The following B3GALT5 variants were observed in gnomAD, a reference collection of about 807,000 sequenced individuals.
B3GALT5 encodes beta-1,3-galactosyltransferase 5.
For missense variants in B3GALT5, 328 were observed against 396.6 expected, an observed-to-expected ratio of 0.83 and a Z score of 1.47; for synonymous variants, 156 against 158.6, an observed-to-expected ratio of 0.98 and a Z score of 0.12.
At chr21:39,615,410 G>A (rs953932171) in intron 1 of B3GALT5, among the ~76,000 whole-genome samples, 4 of 152,200 alleles carry the variant, frequency 2.6e-5, no homozygotes, top group Admixed American at 1.3e-4. Flanking sequence ...TCTGAGTATC[G>A]TGCAGGTGCA....
chr21:39,613,514 A>G (rs543333450), intron 1 of B3GALT5, among the ~76,000 whole-genome samples: 5 of 152,364 alleles, frequency 3.3e-5, no homozygotes, highest in Admixed American at 6.5e-5. Context: ...GGGCAGGATC[A>G]TGAGAAAGAC....
intron 1 of B3GALT5, among the ~76,000 whole-genome samples, chr21:39,639,339 TTTCTTTCTTTCC>T (rs746069872): frequency 8.8e-4 from 95 of 108,238 alleles, no homozygotes; most frequent in East Asian, 3.3e-3. Flanking sequence ...TCTTTCTTTC[TTTCTTTCTTTCC>T]TTCCTTCCTT....
rs535675877 is a variant in B3GALT5 at position 39,625,490 on chromosome 21, C to T, written c.-392+12423C>T. On this transcript the variant is annotated intron_variant, in intron 1 of 3. Transcript: ENST00000684187. ...ACTAGGGGTTGCTCACTTTGTTTTT[C>T]CTTTCCCCGCTCCCAACTATGTGCA... Among the ~76,000 whole-genome samples, 104 of 152,334 alleles carry T rather than the reference C, an allele frequency of 6.8e-4. 1 individual carries two copies. The highest frequency in any genetic ancestry group is 1.3e-3 in the Non-Finnish European group (88 of 68,026).
intron 2 of B3GALT5, among the ~76,000 whole-genome samples, chr21:39,655,762 G>A (rs1302623993): frequency 1.3e-5 from 2 of 152,182 alleles, no homozygotes; most frequent in East Asian, 1.9e-4. Flanking sequence ...CAAAGGCCCA[G>A]CCAGGCTGGC....
intron 1 of B3GALT5, among the ~76,000 whole-genome samples, chr21:39,627,444 A>G (rs1267133567): frequency 1.3e-5 from 2 of 152,244 alleles, no homozygotes; most frequent in African/African-American, 2.4e-5. Context: ...TTGGGAAATC[A>G]CATGAAAAGT....
At chr21:39,622,846 A>G (rs1036453996) in intron 1 of B3GALT5, among the ~76,000 whole-genome samples, 2 of 149,338 alleles carry the variant, frequency 1.3e-5, no homozygotes, top group Non-Finnish European at 3.0e-5. Flanking sequence ...TTCCCATTTT[A>G]CTTCTTTTGC....
intron 1 of B3GALT5, among the ~76,000 whole-genome samples, chr21:39,623,067 T>G (rs2079142266): frequency 1.3e-5 from 2 of 151,178 alleles, no homozygotes; most frequent in Non-Finnish European, 2.9e-5. Context: ...TTTTCTTTTC[T>G]TTTCCTCCCT....
intron 1 of B3GALT5, among the ~76,000 whole-genome samples, chr21:39,643,568 C>T (rs1484339445): frequency 1.3e-5 from 2 of 152,194 alleles, no homozygotes; most frequent in Non-Finnish European, 2.9e-5. Flanking sequence ...TGAGCTTTTT[C>T]TTCTGGTTGA....
rs117346549 is a variant in B3GALT5, at chr21:39,633,934, C to G, written c.-391-12458C>G. On this transcript the variant is annotated intron_variant, in intron 1 of 3. Coordinates refer to ENST00000684187, the MANE Select transcript of B3GALT5 (RefSeq NM_001356336.2). The stretch of plus-strand genomic sequence containing the variant: ...GGCAAGGATGGGGTAAATGATGGAG[C>G]TCTAAGCATTGGGTGTTGGCGTCTG... Among the ~76,000 whole-genome samples, 337 of 152,272 alleles carry G rather than the reference C, an allele frequency of 2.2e-3. 5 individuals carry two copies. The East Asian group carries it at 0.026, about 12-fold the overall frequency.
At chr21:39,615,044 C>T (rs1346326346) in intron 1 of B3GALT5, among the ~76,000 whole-genome samples, 1 of 124,722 alleles carries the variant, frequency 8.0e-6, no homozygotes, top group Non-Finnish European at 1.9e-5. Flanking sequence ...GCTTCGTGGC[C>T]CTGCATAAAC....
intron 1 of B3GALT5, chr21:39,630,462 T>C (rs1204957892): frequency 6.6e-6 from 1 of 152,190 alleles, no homozygotes; most frequent in Non-Finnish European, 1.5e-5. Flanking sequence ...AGTGACTCAC[T>C]CGGAACTGCT....
rs1320541419 is a variant in B3GALT5, at chr21:39,664,910, C to T, written c.*3418C>T. On this transcript the variant is annotated 3_prime_UTR_variant, in exon 4 of 4. Transcript: ENST00000684187. ...GTGTCGTGCTGGAGGATCCTGGGCT[C>T]TGCGTGGGGCCCCCTTTCTTCCCTG... is the stretch of plus-strand genomic sequence containing the variant. The T allele has an allele frequency of 6.6e-6, 1 of 152,300 alleles. No homozygotes were observed. Among genetic ancestry groups the T allele is most frequent in the Non-Finnish European group, 1.5e-5 (1 of 68,158 alleles). 9.4% of individuals were successfully genotyped at this position (152,300 alleles called of 1,614,324 possible). A position where few individuals can be genotyped will look rare whatever the true frequency, so the allele number is the denominator to read the frequency against.
rs1194664544 is a variant in B3GALT5 at position 39,669,067 on chromosome 21, T to A, written c.*7575T>A. On this transcript the variant is annotated 3_prime_UTR_variant, in exon 4 of 4. Coordinates refer to ENST00000684187, the MANE Select transcript of B3GALT5 (RefSeq NM_001356336.2). The stretch of plus-strand genomic sequence containing the variant: ...TGTGCAAATCAAAAACTCTTCAGAT[T>A]GAGTCTGTAGGGCTTTGTTTCAGCT... 1 of 152,234 alleles carries A rather than the reference T, an allele frequency of 6.6e-6. No homozygotes were observed. Among genetic ancestry groups the A allele is most frequent in the Non-Finnish European group, 1.5e-5 (1 of 68,054 alleles). The allele number at this position is 152,234 out of a possible 1,614,324, so 9.4% of individuals were successfully genotyped here. A position where few individuals can be genotyped will look rare whatever the true frequency, so the allele number is the denominator to read the frequency against.
intron 1 of B3GALT5, among the ~76,000 whole-genome samples, chr21:39,617,748 AT>A (rs1177462091): frequency 1.3e-5 from 2 of 152,074 alleles, no homozygotes; most frequent in South Asian, 2.1e-4. Context: ...AAACTTTGAG[AT>A]TTTTTTAAAA....
intron 1 of B3GALT5, among the ~76,000 whole-genome samples, chr21:39,630,062 G>T (rs1031234739): frequency 3.3e-5 from 5 of 152,092 alleles, no homozygotes; most frequent in African/African-American, 1.2e-4. Context: ...ACTAGTTTTG[G>T]TTTTTGTGGG....
intron 1 of B3GALT5, among the ~76,000 whole-genome samples, chr21:39,638,131 C>T (rs920903909): frequency 4.6e-5 from 7 of 152,144 alleles, no homozygotes; most frequent in Admixed American, 3.3e-4. Context: ...GGGGGAAGGG[C>T]GTGGTCCCTG....
chr21:39,646,645 T>C (rs1401858855), intron 2 of B3GALT5, 23 bp downstream of exon 2: 1 of 152,172 alleles, frequency 6.6e-6, no homozygotes, highest in Non-Finnish European at 1.5e-5. Flanking sequence ...CCAAGGTTTG[T>C]ACCAAGAATT....
chr21:39,650,460 G>T (rs2079384091), intron 2 of B3GALT5, among the ~76,000 whole-genome samples: 1 of 152,204 alleles, frequency 6.6e-6, no homozygotes, highest in Admixed American at 6.5e-5. Flanking sequence ...GCATCTGTGA[G>T]CTTGAAAGGG....
chr21:39,644,441 G>C (rs2079317918), intron 1 of B3GALT5, among the ~76,000 whole-genome samples: 1 of 152,188 alleles, frequency 6.6e-6, no homozygotes, highest in African/African-American at 2.4e-5. Flanking sequence ...AGGCAGGCTT[G>C]CATGACCCAG....
Sources: allele counts gnomAD v4.1 joint callset (sites outside exome capture counted in the v4.1 genomes callset), GRCh38; gene constraint gnomAD v4.1.1; transcripts MANE v1.5; gene names NCBI Gene and HGNC (gene_info 2026-07-23, HGNC 2026-07-21).